The following RARS1 variants were observed in gnomAD, a reference collection of about 807,000 sequenced individuals.
RARS1 encodes arginyl-tRNA synthetase 1.
Under a neutral mutation model 78.7 loss-of-function variants are expected in RARS1, and 75 were observed. The observed-to-expected ratio is 0.95, with a 90% CI of 0.79 to 1.15. The LOEUF (loss-of-function observed/expected upper bound fraction) is 1.15, where lower values mean the gene tolerates loss of function less well. Ranked by LOEUF, RARS1 falls within the 50% of genes most tolerant of loss-of-function variation. The probability of loss-of-function intolerance (pLI) is 0.00; values close to 1 mark genes in which losing one functional copy is unlikely to be tolerated. For synonymous variants in RARS1, 273 were observed against 268.2 expected (o/e 1.02, Z -0.18); for missense variants, 787 against 787.5 (o/e 1.00, Z 0.01).
At chr5:168,518,095 T>TTTTTTTTTTG in intron 14 of RARS1, 33 bp downstream of exon 14, 2 of 1,338,148 alleles carry the variant, frequency 1.5e-6, no homozygotes, top group Non-Finnish European at 2.0e-6. Flanking sequence ...TTTTTTTTTT[T>TTTTTTTTTTG]AGTGAGAGAC....
chr5:168,486,486 C>A lies in RARS1; in HGVS notation c.-13C>A, dbSNP rs775243790. 4 of 1,556,526 alleles carry A rather than the reference C, an allele frequency of 2.6e-6. No homozygotes were observed. In the African/African-American group the frequency reaches 4.1e-5, roughly 16 times the overall value. On this transcript the variant is annotated 5_prime_UTR_variant, in exon 1 of 15. Transcript: ENST00000231572. ...GCTTCCGTCCACTTGGCGAGTGAGA[C>A]GCTGATGGGAGGATGGACGTACTGG...
intron 2 of RARS1, among the ~76,000 whole-genome samples, chr5:168,490,373 G>A (rs959355360): frequency 3.9e-5 from 6 of 152,184 alleles, no homozygotes; most frequent in South Asian, 4.1e-4. Context: ...ACAAAAGGAA[G>A]TACAGTATTT....
At position 168,516,798 on chromosome 5, in the gene RARS1, G is replaced by A. The variant is rs140156588; in HGVS notation, c.1473G>A (p.Leu491=). ...CAAAGGTCTTAACTGCAGAGGAATT[G>A]AATGCTGCTCAGACATCCGTTGCGT... The part of the protein sequence containing the change: ...ERDKVLTAEE[L]NAAQTSVAYG... Residue 491 remains leucine (L), a synonymous_variant, in exon 13 of 15, where the codon TTG becomes TTA. Coordinates refer to ENST00000231572, the MANE Select transcript of RARS1 (RefSeq NM_002887.4). 1.8e-5 allele frequency: 29 copies of A among 1,614,032 alleles called. No individual in the cohort carries two copies. The highest frequency in any genetic ancestry group is 2.4e-5 in the Non-Finnish European group (28 of 1,180,028).
At position 168,510,602 on chromosome 5, in the gene RARS1, G is replaced by A. The variant is rs2290629; in HGVS notation, c.1368G>A (p.Ser456=). 0.025 allele frequency: 39,591 copies of A among 1,608,386 alleles called. 2,783 individuals carry two copies. The Admixed American group carries it at 0.25, about 10-fold the overall frequency. ...GEDKKKFKTR[S]GETVRLMDLL... ...TTAGGAAAAAGTTTAAAACACGTTC[G>A]GGTGAAACAGTGCGCCTCATGGATC... The change falls in exon 12 of 15, where the codon TCG becomes TCA. Residue 456 remains serine (S), a synonymous_variant. Coordinates refer to ENST00000231572, the MANE Select transcript of RARS1 (RefSeq NM_002887.4).
At chr5:168,500,200 C>CAAAAAAAAAAAAAAAAAAAAAAAAAAAA (rs36015007) in intron 7 of RARS1, among the ~76,000 whole-genome samples, 1 of 47,782 alleles carries the variant, frequency 2.1e-5, no homozygotes, top group African/African-American at 8.9e-5. Context: ...GACTCTGTCT[C>CAAAAAAAAAAAAAAAAAAAAAAAAAAAA]AAAAAAAAAA....
In RARS1 at chr5:168,517,876, A is replaced by G; in HGVS notation, c.1687A>G (p.Lys563Glu). The change falls in exon 14 of 15, where the codon AAG (lysine) becomes GAG (glutamate). Residue 563 changes from lysine to glutamate, a missense_variant. Transcript: ENST00000231572. ...EMLQKAARET[K>E]ILLDHEKEWK... ...GCTCCAAAAAGCTGCTCGAGAAACC[A>G]AGATTCTTTTGGATCATGAGAAGGA... is the stretch of plus-strand genomic sequence containing the variant. 1 of 1,613,792 alleles carries G rather than the reference A, an allele frequency of 6.2e-7. No individual in the cohort carries two copies. The highest frequency in any genetic ancestry group is 8.5e-7 in the Non-Finnish European group (1 of 1,179,984).
rs547625071 is a variant in RARS1 at position 168,494,448 on chromosome 5, G to C, written c.479-102G>C. On this transcript the variant is annotated intron_variant, in intron 4 of 14. Coordinates refer to ENST00000231572, the MANE Select transcript of RARS1 (RefSeq NM_002887.4). ...CCACAACTGGTATTGGAATCCGGAA[G>C]AATTTTGCCAGAGCCAGGTCAGTGT... The C allele has an allele frequency of 4.6e-6, 7 of 1,532,632 alleles. No individual in the cohort carries two copies. The African/African-American group carries it at 9.6e-5, about 21-fold the overall frequency. The allele number at this position is 1,532,632 out of a possible 1,614,324, so 94.9% of individuals were successfully genotyped here. A position where few individuals can be genotyped will look rare whatever the true frequency, so the allele number is the denominator to read the frequency against.
Position 168,488,351 on chromosome 5 carries a change from C to T in RARS1, c.46-251C>T, listed in dbSNP as rs10075737. 12,905 of 408,290 alleles carry T rather than the reference C, an allele frequency of 0.032. 1,458 individuals are homozygous for T. The highest frequency in any genetic ancestry group is 0.24 in the African/African-American group (11,779 of 48,238). 25.3% of individuals were successfully genotyped at this position (408,290 alleles called of 1,614,324 possible). A position where few individuals can be genotyped will look rare whatever the true frequency, so the allele number is the denominator to read the frequency against. ...CTATGTTTGCCATGCTGGTCTTGAACTCTTGGCCTCAAGTCATCCACCTGC... is the reference window on the plus strand; with the variant it reads ...CTATGTTTGCCATGCTGGTCTTGAATTCTTGGCCTCAAGTCATCCACCTGC... On this transcript the variant is annotated intron_variant, in intron 1 of 14. Coordinates refer to ENST00000231572, the MANE Select transcript of RARS1 (RefSeq NM_002887.4).
rs139479393 is a variant in RARS1, at chr5:168,497,105, T to G, written c.702-123T>G. 605 of 736,058 alleles carry G rather than the reference T, an allele frequency of 8.2e-4. 5 individuals carry two copies. The African/African-American group carries it at 9.7e-3, about 12-fold the overall frequency. 45.6% of individuals were successfully genotyped at this position (736,058 alleles called of 1,614,324 possible). A position where few individuals can be genotyped will look rare whatever the true frequency, so the allele number is the denominator to read the frequency against. On this transcript the variant is annotated intron_variant, in intron 6 of 14. Coordinates refer to ENST00000231572, the MANE Select transcript of RARS1 (RefSeq NM_002887.4). Reference sequence around the variant, plus strand: ...AAGAAACAACCAAGTAAACAGATATTACTAAATGGTGATGTACTGGCATGT... The same window carrying G: ...AAGAAACAACCAAGTAAACAGATATGACTAAATGGTGATGTACTGGCATGT...
At chr5:168,518,430 A>G (rs564247342) in intron 14 of RARS1, among the ~76,000 whole-genome samples, 97 of 152,220 alleles carry the variant, frequency 6.4e-4, no homozygotes, top group Admixed American at 1.4e-3. Flanking sequence ...TAAACCAGAA[A>G]TGGAACTCTG....
rs747777615 is a variant in RARS1, at chr5:168,518,071, CTTTTTTTTTTTT to C, written c.1873+22_1873+33del. On this transcript the variant is annotated intron_variant, in intron 14 of 14. Coordinates refer to ENST00000231572, the MANE Select transcript of RARS1 (RefSeq NM_002887.4). ...GAAAGATAGACAGACTGGTGAGTGT[CTTTTTTTTTTTT>C]TTTTTTTTTTTTAGTGAGAGACACG... 8.0e-6 allele frequency: 6 copies of C among 747,552 alleles called. No homozygotes were observed. Among genetic ancestry groups the C allele is most frequent in the Admixed American group, 9.9e-5 (1 of 10,094 alleles). 46.3% of individuals were successfully genotyped at this position (747,552 alleles called of 1,614,324 possible).
rs552016783 is a variant in RARS1 at position 168,491,558 on chromosome 5, G to A, written c.181-1101G>A. Among the ~76,000 whole-genome samples the A allele has an allele frequency of 2.0e-5, 3 of 152,270 alleles. No individual in the cohort carries two copies. The East Asian group carries it at 5.8e-4, about 29-fold the overall frequency. ...GAATATAATTTCTTCATATGATAGA[G>A]AGGGCTGATGAGGGGAGCATAAAAC... On this transcript the variant is annotated intron_variant, in intron 2 of 14. Coordinates refer to ENST00000231572, the MANE Select transcript of RARS1 (RefSeq NM_002887.4).
chr5:168,487,231 G>C (rs994044942), intron 1 of RARS1, among the ~76,000 whole-genome samples: 4 of 45,244 alleles, frequency 8.8e-5, no homozygotes, highest in African/African-American at 5.1e-4. Context: ...GGCTGTGTTG[G>C]GGGGGGTCCC....
chr5:168,519,039 A>G, intron 14 of RARS1, 42 bp from the exon 15 acceptor site: 1 of 1,532,630 alleles, frequency 6.5e-7, no homozygotes. Context: ...GATTTTCAAA[A>G]AGGAAAACAA....
At chr5:168,503,799 A>G (rs953111024) in intron 9 of RARS1, among the ~76,000 whole-genome samples, 2 of 152,132 alleles carry the variant, frequency 1.3e-5, no homozygotes, top group South Asian at 2.1e-4. Flanking sequence ...GGCTGGGTGC[A>G]GTGGCTCATG....
chr5:168,501,843 A>G (rs908253689), intron 8 of RARS1, among the ~76,000 whole-genome samples, 158 bp from the exon 9 acceptor site: 5 of 152,138 alleles, frequency 3.3e-5, no homozygotes, highest in Admixed American at 1.3e-4. Flanking sequence ...TTTCAAAATG[A>G]CAGCATGTAT....
chr5:168,491,537 A>G (rs1269315697), intron 2 of RARS1, among the ~76,000 whole-genome samples: 4 of 152,208 alleles, frequency 2.6e-5, no homozygotes, highest in African/African-American at 9.6e-5. Flanking sequence ...ATTTAAGAAT[A>G]TAATTTCTTC....
intron 2 of RARS1, among the ~76,000 whole-genome samples, chr5:168,488,974 T>C (rs1386476078): frequency 6.6e-6 from 1 of 152,236 alleles, no homozygotes; most frequent in Non-Finnish European, 1.5e-5. Flanking sequence ...GCTAACTGTT[T>C]GGCTAACTTA....
chr5:168,513,909 A>G (rs955159587), intron 12 of RARS1, among the ~76,000 whole-genome samples: 4 of 152,102 alleles, frequency 2.6e-5, no homozygotes, highest in Admixed American at 6.6e-5. Flanking sequence ...TCAGTTTTGC[A>G]CAATGTTTTT....
Sources: gnomAD v4.1 joint callset for allele counts (sites outside exome capture counted in the v4.1 genomes callset) on GRCh38, gnomAD v4.1.1 for gene constraint, MANE v1.5 for transcripts, NCBI Gene and HGNC (gene_info 2026-07-23, HGNC 2026-07-21) for gene names.